Variants in DCAF6 observed in about 807,000 individuals in gnomAD.
DCAF6 encodes the protein DDB1- and CUL4-associated factor 6.
DCAF6 carries 54 observed loss-of-function variants against 125.1 expected under a neutral mutation model. The ratio of observed to expected loss-of-function variants is 0.43; its 90% CI spans 0.35 to 0.54. The LOEUF (loss-of-function observed/expected upper bound fraction) is 0.54, where lower values mean the gene tolerates loss of function less well. Among genes scored for constraint, DCAF6 ranks in the 20% least tolerant of loss-of-function variants. The pLI is 0.01. For missense variants in DCAF6, 934 were observed against 1,161.7 expected, an observed-to-expected ratio of 0.80 and a Z score of 2.85; for synonymous variants, 371 against 390.4, an observed-to-expected ratio of 0.95 and a Z score of 0.58.
chr1:168,068,424 A>G lies in DCAF6; in HGVS notation c.2752A>G (p.Met918Val). 3.2e-6 allele frequency: 5 copies of G among 1,563,082 alleles called. No individual in the cohort carries two copies. Among genetic ancestry groups the G allele is most frequent in the Non-Finnish European group, 4.3e-6 (5 of 1,152,494 alleles). ...RNTITVPASFMLRMLASLNHI... is the reference protein window; with the variant it reads ...RNTITVPASFVLRMLASLNHI... ...CACCATTACAGTTCCAGCCTCTTTC[A>G]TGTTGAGGATGTTGGCTTCACTTAA... Residue 918 changes from methionine (M) to valine (V), a missense_variant, in exon 21 of 22, where the codon ATG becomes GTG. Met to Val is a conservative substitution (Grantham distance 21). Around this residue, in one of 5 missense-constraint regions of DCAF6, gnomAD observed 27 missense variants for 85.1 expected, o/e 0.32. Coordinates refer to ENST00000367840, the MANE Select transcript of DCAF6 (RefSeq NM_001198956.2).
chr1:167,947,158 G>T (rs1306773024), intron 1 of DCAF6, among the ~76,000 whole-genome samples: 1 of 152,074 alleles, frequency 6.6e-6, no homozygotes, highest in Admixed American at 6.5e-5. Context: ...TAGTTTATGA[G>T]TATATAGTTC....
chr1:167,935,583 A>C, upstream of DCAF6: 1 of 600,260 alleles, frequency 1.7e-6, no homozygotes, highest in South Asian at 2.3e-5. Flanking sequence ...GGTGAAATGC[A>C]CAGGCTAGGA....
chr1:168,002,105 G>A (rs1258266007), intron 7 of DCAF6, among the ~76,000 whole-genome samples: 1 of 151,996 alleles, frequency 6.6e-6, no homozygotes, highest in Non-Finnish European at 1.5e-5. Flanking sequence ...TAGGTATGTG[G>A]GTAATTTAAC....
At chr1:168,058,524 T>G (rs190207510) in intron 17 of DCAF6, among the ~76,000 whole-genome samples, 10 of 152,218 alleles carry the variant, frequency 6.6e-5, no homozygotes, top group African/African-American at 2.2e-4. Context: ...CAAATAAGAT[T>G]ATGCATCTCA....
chr1:168,069,539 A>G (rs935352364), intron 21 of DCAF6, among the ~76,000 whole-genome samples: 2 of 152,204 alleles, frequency 1.3e-5, no homozygotes, highest in Admixed American at 1.3e-4. Context: ...TTCCTCAGAG[A>G]GAGTGGGGAA....
In DCAF6 at chr1:167,940,890, C is replaced by G. The variant is rs1231686275; in HGVS notation, c.97+3882C>G. ...TAAATTATGATTAGGCAGCCAGTGA[C>G]AATTTTTTAGTGGAGATTGAATCTC... On this transcript the variant is annotated intron_variant, in intron 1 of 21. Coordinates refer to ENST00000367840, the MANE Select transcript of DCAF6 (RefSeq NM_001198956.2). 2.0e-5 allele frequency among the ~76,000 whole-genome samples: 3 copies of G among 152,040 alleles called. No homozygotes were observed. In the East Asian group the frequency reaches 5.8e-4, roughly 29 times the overall value.
At chr1:167,978,698 A>T (rs1041584670) in intron 4 of DCAF6, among the ~76,000 whole-genome samples, 1 of 151,940 alleles carries the variant, frequency 6.6e-6, no homozygotes, top group Non-Finnish European at 1.5e-5. Flanking sequence ...GTGTTTTGAG[A>T]GATGGGGTCT....
At chr1:168,060,819 G>A (rs113459149) in intron 17 of DCAF6, among the ~76,000 whole-genome samples, 1 of 152,142 alleles carries the variant, frequency 6.6e-6, no homozygotes, top group African/African-American at 2.4e-5. Flanking sequence ...AACCTGGGAG[G>A]CAGAGGTTGC....
At position 168,038,429 on chromosome 1, in the gene DCAF6, G is replaced by T; in HGVS notation, c.1668G>T (p.Leu556Phe). 4 of 1,611,930 alleles carry T rather than the reference G, an allele frequency of 2.5e-6. No individual in the cohort carries two copies. Among genetic ancestry groups the T allele is most frequent in the Non-Finnish European group, 3.4e-6 (4 of 1,179,048 alleles). ...KPGTGEPVLS[L>F]HYSTEGTTTS... ...GGACAGGTGAACCAGTTTTAAGTTT[G>T]CACTACAGCACAGAAGGAACAACTA... Residue 556 changes from leucine to phenylalanine, a missense_variant, in exon 13 of 22, where the codon TTG becomes TTT. By Grantham distance (22) the Leu-to-Phe change is conservative. Coordinates refer to ENST00000367840, the MANE Select transcript of DCAF6 (RefSeq NM_001198956.2).
intron 4 of DCAF6, among the ~76,000 whole-genome samples, chr1:167,976,489 A>C (rs1036931534): frequency 2.6e-5 from 4 of 152,182 alleles, no homozygotes; most frequent in African/African-American, 9.7e-5. Flanking sequence ...AAAAATAAAA[A>C]TAAAGTCTAC....
chr1:167,883,603 T>C, the DCAF6 span: 2 of 1,614,196 alleles, frequency 1.2e-6, no homozygotes, highest in Non-Finnish European at 1.7e-6. Flanking sequence ...CTCAGATAAA[T>C]AGCCCTGAAG....
intron 13 of DCAF6, 21 bp from the exon 14 acceptor site, chr1:168,043,004 C>G (rs1185666605): frequency 6.5e-7 from 1 of 1,537,512 alleles, no homozygotes; most frequent in East Asian, 2.3e-5. Flanking sequence ...GGTGGAATCA[C>G]TTATCTTGTT....
At chr1:167,976,723 A>G (rs912292705) in intron 4 of DCAF6, among the ~76,000 whole-genome samples, 8 of 152,018 alleles carry the variant, frequency 5.3e-5, no homozygotes, top group Non-Finnish European at 1.2e-4. Flanking sequence ...GGATTTAGTT[A>G]TATTCTGTTT....
chr1:168,030,999 G>A (rs1020896418), intron 12 of DCAF6, among the ~76,000 whole-genome samples: 6 of 152,120 alleles, frequency 3.9e-5, no homozygotes, highest in Non-Finnish European at 7.4e-5. Flanking sequence ...CATGAACTCG[G>A]TTTTGAATAT....
chr1:168,055,242 CT>C (rs1488086202), intron 17 of DCAF6, among the ~76,000 whole-genome samples: 1 of 146,834 alleles, frequency 6.8e-6, no homozygotes, highest in Non-Finnish European at 1.5e-5. Context: ...AGAAACTCTT[CT>C]ATTGAAGGAG....
At chr1:167,930,266 A>G in the DCAF6 span, among the ~76,000 whole-genome samples, 3 of 152,190 alleles carry the variant, frequency 2.0e-5, no homozygotes, top group Non-Finnish European at 2.9e-5. Flanking sequence ...AAGAACAGGT[A>G]AAGAGACTAA....
chr1:167,894,933 C>T, the DCAF6 span, among the ~76,000 whole-genome samples: 1 of 152,038 alleles, frequency 6.6e-6, no homozygotes, highest in Non-Finnish European at 1.5e-5. Context: ...ACCTGTAATC[C>T]CAGCACTTTG....
chr1:167,880,644 G>A, the DCAF6 span: 1 of 1,502,766 alleles, frequency 6.7e-7, no homozygotes, highest in African/African-American at 1.4e-5. Context: ...ACAGCTGATG[G>A]ACAGTGTGCT....
At chr1:167,863,678 C>T in the DCAF6 span, among the ~76,000 whole-genome samples, 3 of 152,242 alleles carry the variant, frequency 2.0e-5, no homozygotes, top group Admixed American at 2.0e-4. Flanking sequence ...GGGACTCCAA[C>T]CAGCCAGAGT....
Sources: allele counts gnomAD v4.1 joint callset (sites outside exome capture counted in the v4.1 genomes callset), GRCh38; gene constraint gnomAD v4.1.1; regional missense constraint gnomAD v4.1.1; transcripts MANE v1.5; gene names NCBI Gene and HGNC (gene_info 2026-07-23, HGNC 2026-07-21).